The following DSG3 variants were observed in gnomAD, a reference collection of about 807,000 sequenced individuals.
DSG3 encodes desmoglein 3, also known as desmoglein-3.
In DSG3, 63 loss-of-function variants were observed where a neutral mutation model predicts 85.9. That is an observed-to-expected ratio of 0.73 (90% CI 0.60 to 0.90). The LOEUF (loss-of-function observed/expected upper bound fraction) is 0.90, where lower values mean the gene tolerates loss of function less well. Ranked by LOEUF, DSG3 falls within the 40% of genes least tolerant of loss-of-function variation. DSG3 has a pLI of 0.00. For missense variants in DSG3, 1,220 were observed against 1,219.9 expected (o/e 1.00, Z 0.00); for synonymous variants, 447 against 441.9 (o/e 1.01, Z -0.14).
rs149262687 is a variant in DSG3 at position 31,466,644 on chromosome 18, T to G, written c.1526T>G (p.Val509Gly). ...KDAVCSSSPS[V>G]VVSARTLNNR... ...GCAGTTTGCAGTTCTTCACCTTCCGTGGTTGTCTCCGCTAGAACACTGAAT... is the reference window on the plus strand; with the variant it reads ...GCAGTTTGCAGTTCTTCACCTTCCGGGGTTGTCTCCGCTAGAACACTGAAT... The change falls in exon 11 of 16, where the codon GTG becomes GGG. Residue 509 changes from valine to glycine, a missense_variant. Transcript: ENST00000257189. The G allele has an allele frequency of 4.6e-3, 7,389 of 1,614,210 alleles. 18 individuals are homozygous for G. The highest frequency in any genetic ancestry group is 5.6e-3 in the Non-Finnish European group (6,557 of 1,180,020).
chr18:31,467,950 A>G (rs1288389043), intron 11 of DSG3, among the ~76,000 whole-genome samples: 1 of 152,214 alleles, frequency 6.6e-6, no homozygotes, highest in East Asian at 1.9e-4. Flanking sequence ...TACGTGGCCA[A>G]TGAAGAGGCT....
Position 31,459,883 on chromosome 18 carries a change from G to A in DSG3, c.556G>A (p.Glu186Lys). ...GATACTAAATGCCACAGATGCAGAT[G>A]AACCAAACCACTTGAATTCTAAAAT... ...VMILNATDAD[E>K]PNHLNSKIAF... Residue 186 changes from glutamate (E) to lysine (K), a missense_variant, in exon 6 of 16, where the codon GAA becomes AAA. By Grantham distance (56) the Glu-to-Lys change is moderately conservative. Transcript: ENST00000257189. 6.2e-7 allele frequency: 1 copy of A among 1,614,064 alleles called. No homozygotes were observed. Among genetic ancestry groups the A allele is most frequent in the South Asian group, 1.1e-5 (1 of 91,072 alleles).
intron 15 of DSG3, 28 bp downstream of exon 15, chr18:31,474,432 G>C: frequency 6.3e-7 from 1 of 1,579,342 alleles, no homozygotes; most frequent in East Asian, 2.3e-5. Context: ...TTTGTGGCTT[G>C]ATTATCTTAT....
intron 2 of DSG3, 22 bp from the exon 3 acceptor site, chr18:31,456,971 A>G (rs1185993878): frequency 1.9e-6 from 3 of 1,582,966 alleles, no homozygotes; most frequent in South Asian, 1.2e-5. Context: ...TCCATAACAA[A>G]TGGAATCCCT....
Position 31,457,009 on chromosome 18 carries a change from A to T in DSG3, c.101A>T (p.Asp34Val), listed in dbSNP as rs745968485. Residue 34 changes from aspartate to valine, a missense_variant, in exon 3 of 16, where the codon GAT becomes GTT. By Grantham distance (152) the Asp-to-Val change is radical. Transcript: ENST00000257189. ...TTACATAAGACTAAAGGTCAATATG[A>T]TGAAGAAGAGATGACTATGCAACAA... ...ELRIETKGQY[D>V]EEEMTMQQAK... The T allele has an allele frequency of 3.1e-6, 5 of 1,610,936 alleles. No homozygotes were observed. In the South Asian group the frequency reaches 5.5e-5, roughly 18 times the overall value.
rs971760382 is a variant in DSG3 at position 31,465,558 on chromosome 18, GGAGA to G, written c.1411+108_1411+111del. On this transcript the variant is annotated intron_variant, in intron 10 of 15. Coordinates refer to ENST00000257189, the MANE Select transcript of DSG3 (RefSeq NM_001944.3). ...TATTCAACATATTATCTTTACCACT[GGAGA>G]GAGAGAATTATCTTAGGAGTGTTGG... 9 of 1,098,370 alleles carry G rather than the reference GGAGA, an allele frequency of 8.2e-6. No homozygotes were observed. In the African/African-American group the frequency reaches 1.3e-4, roughly 16 times the overall value. The allele number at this position is 1,098,370 out of a possible 1,614,324, so 68.0% of individuals were successfully genotyped here.
chr18:31,454,464 G>A (rs887765800), intron 1 of DSG3, among the ~76,000 whole-genome samples: 1 of 152,130 alleles, frequency 6.6e-6, no homozygotes, highest in Non-Finnish European at 1.5e-5. Flanking sequence ...GCACTCTTTG[G>A]AATCAAGGTT....
At chr18:31,448,061 C>A in intron 1 of DSG3, 136 bp downstream of exon 1, 2 of 544,480 alleles carry the variant, frequency 3.7e-6, no homozygotes, top group South Asian at 7.4e-5. Context: ...GAAATGAAAT[C>A]GTGAAGATTA....
rs1004066391 is a variant in DSG3, at chr18:31,457,192, C to A, written c.216+68C>A. On this transcript the variant is annotated intron_variant, in intron 3 of 15. Coordinates refer to ENST00000257189, the MANE Select transcript of DSG3 (RefSeq NM_001944.3). The stretch of plus-strand genomic sequence containing the variant: ...GTATAAGGTGTAAATTAAAATAATA[C>A]GGCAATTCCAAATAACAAAATGAAG... 5 of 1,479,838 alleles carry A rather than the reference C, an allele frequency of 3.4e-6. No homozygotes were observed. The African/African-American group carries it at 5.7e-5, about 17-fold the overall frequency. 91.7% of individuals were successfully genotyped at this position (1,479,838 alleles called of 1,614,324 possible).
intron 11 of DSG3, among the ~76,000 whole-genome samples, chr18:31,467,738 C>T (rs908288874): frequency 6.6e-6 from 1 of 152,156 alleles, no homozygotes; most frequent in Non-Finnish European, 1.5e-5. Context: ...TCCCTAGCTC[C>T]TTTCTGAACC....
At chr18:31,461,739 G>A (rs1262576175) in intron 8 of DSG3, among the ~76,000 whole-genome samples, 1 of 152,118 alleles carries the variant, frequency 6.6e-6, no homozygotes, top group African/African-American at 2.4e-5. Context: ...CACATTTCTT[G>A]ACTTAATCTC....
At position 31,476,397 on chromosome 18, in the gene DSG3, T is replaced by C; in HGVS notation, c.*137T>C. 1 of 1,034,386 alleles carries C rather than the reference T, an allele frequency of 9.7e-7. No individual in the cohort carries two copies. The highest frequency in any genetic ancestry group is 1.4e-6 in the Non-Finnish European group (1 of 737,964). The allele number at this position is 1,034,386 out of a possible 1,614,324, so 64.1% of individuals were successfully genotyped here. A position where few individuals can be genotyped will look rare whatever the true frequency, so the allele number is the denominator to read the frequency against. Reference sequence around the variant, plus strand: ...TTCTCTCATAAACTGATCACGATTATAAATTAAATGTTTGGGTTCATACCC... The same window carrying C: ...TTCTCTCATAAACTGATCACGATTACAAATTAAATGTTTGGGTTCATACCC... On this transcript the variant is annotated 3_prime_UTR_variant, in exon 16 of 16. Transcript: ENST00000257189.
At chr18:31,453,882 A>C (rs2072725871) in intron 1 of DSG3, among the ~76,000 whole-genome samples, 1 of 152,110 alleles carries the variant, frequency 6.6e-6, no homozygotes, top group South Asian at 2.1e-4. Flanking sequence ...CATATCTCAA[A>C]ACAACATGTA....
At chr18:31,462,324 G>A (rs2072792005) in intron 8 of DSG3, among the ~76,000 whole-genome samples, 1 of 152,112 alleles carries the variant, frequency 6.6e-6, no homozygotes, top group African/African-American at 2.4e-5. Context: ...CACCCGCCTT[G>A]GCCTCCCAAA....
chr18:31,468,328 A>G (rs2072834522), intron 11 of DSG3, among the ~76,000 whole-genome samples: 1 of 152,186 alleles, frequency 6.6e-6, no homozygotes, highest in African/African-American at 2.4e-5. Context: ...ACAAGAACAC[A>G]AAGTCAGGAA....
Position 31,475,486 on chromosome 18 carries a change from G to A in DSG3, c.2386-160G>A, listed in dbSNP as rs188214749. ...CAACCATACTGTTGTCCAAACACCA[G>A]ATAATGTTTTGAACAAGATTGTTAA... On this transcript the variant is annotated intron_variant, in intron 15 of 15. Transcript: ENST00000257189. 1.8e-4 allele frequency among the ~76,000 whole-genome samples: 28 copies of A among 152,302 alleles called. 1 individual carries two copies. The Middle Eastern group carries it at 0.02, about 111-fold the overall frequency.
At chr18:31,467,836 T>A (rs6506926) in intron 11 of DSG3, among the ~76,000 whole-genome samples, 41,007 of 152,122 alleles carry the variant, frequency 0.27, 5,645 homozygotes, top group Middle Eastern at 0.3. Context: ...ACCAAAGGGA[T>A]CTTGATCTTC....
In DSG3 at chr18:31,456,464, T is replaced by C. The variant is rs1188764471; in HGVS notation, c.73T>C (p.Leu25=). ...GGTGGTCATATTGGTTCATGGAGAA[T>C]TGCGAATAGAGGTAAAGTATGAAAA... ...FVVVILVHGE[L]RIETKGQYDE... is the part of the protein sequence containing the mutation. The change falls in exon 2 of 16, where the codon TTG becomes CTG. Residue 25 remains leucine (L), a synonymous_variant. Coordinates refer to ENST00000257189, the MANE Select transcript of DSG3 (RefSeq NM_001944.3). The C allele has an allele frequency of 1.5e-6, 2 of 1,343,804 alleles. No individual in the cohort carries two copies. Among genetic ancestry groups the C allele is most frequent in the Non-Finnish European group, 1.9e-6 (2 of 1,039,650 alleles). 83.2% of individuals were successfully genotyped at this position (1,343,804 alleles called of 1,614,324 possible). A position where few individuals can be genotyped will look rare whatever the true frequency, so the allele number is the denominator to read the frequency against.
chr18:31,466,840 C>G (rs2072824112), intron 11 of DSG3, 86 bp downstream of exon 11: 1 of 1,244,314 alleles, frequency 8.0e-7, no homozygotes, highest in Non-Finnish European at 1.1e-6. Flanking sequence ...AAGAGCAGGT[C>G]CTTCCAAAAG....
Sources: gnomAD v4.1 joint callset for allele counts (sites outside exome capture counted in the v4.1 genomes callset) on GRCh38, gnomAD v4.1.1 for gene constraint, MANE v1.5 for transcripts, NCBI Gene and HGNC (gene_info 2026-07-23, HGNC 2026-07-21) for gene names.